CCDC85A: variants seen among roughly 807,000 people sequenced by gnomAD.
CCDC85A encodes the protein coiled-coil domain-containing protein 85A.
A neutral mutation model predicts 50.2 loss-of-function variants in CCDC85A; 38 were observed. That is an observed-to-expected ratio of 0.76 (90% confidence interval 0.58 to 0.99). CCDC85A has a LOEUF of 0.99. CCDC85A is among the 50% of genes least tolerant of loss of function. The pLI is 0.00. For synonymous variants in CCDC85A, 366 were observed against 301.4 expected, an observed-to-expected ratio of 1.21 and a Z score of -2.22; for missense variants, 820 against 742.0, an observed-to-expected ratio of 1.11 and a Z score of -1.22.
intron 2 of CCDC85A, among the ~76,000 whole-genome samples, chr2:56,203,896 T>C (rs1043240953): frequency 2.0e-5 from 3 of 151,920 alleles, no homozygotes; most frequent in Admixed American, 6.6e-5. Flanking sequence ...TTAAAAAGAG[T>C]GATGTGATAC....
At chr2:56,340,369 G>A (rs930390767) in intron 2 of CCDC85A, among the ~76,000 whole-genome samples, 15 of 152,218 alleles carry the variant, frequency 9.9e-5, no homozygotes, top group South Asian at 4.1e-4. Context: ...GTGCACTACC[G>A]TATTGCCTCT....
chr2:56,255,431 G>A (rs555489150), intron 2 of CCDC85A, among the ~76,000 whole-genome samples: 55 of 152,222 alleles, frequency 3.6e-4, no homozygotes, highest in African/African-American at 1.3e-3. Flanking sequence ...TTGAGGAAGG[G>A]ATAGACAGGG....
intron 3 of CCDC85A, among the ~76,000 whole-genome samples, chr2:56,371,355 A>G (rs187858792): frequency 3.3e-5 from 5 of 152,188 alleles, no homozygotes; most frequent in African/African-American, 9.6e-5. Context: ...TGAAAATTGG[A>G]CCAGTACTAT....
chr2:56,236,741 T>C (rs1669032138), intron 2 of CCDC85A, among the ~76,000 whole-genome samples: 1 of 152,302 alleles, frequency 6.6e-6, no homozygotes, highest in Non-Finnish European at 1.5e-5. Context: ...CCAGATCTCC[T>C]GCATGGTCCT....
At chr2:56,210,231 C>T (rs1199513633) in intron 2 of CCDC85A, among the ~76,000 whole-genome samples, 1 of 152,050 alleles carries the variant, frequency 6.6e-6, no homozygotes, top group African/African-American at 2.4e-5. Context: ...GGGCCAAATA[C>T]CGTCACAGTC....
At chr2:56,293,155 C>T (rs892590952) in intron 2 of CCDC85A, among the ~76,000 whole-genome samples, 3 of 152,160 alleles carry the variant, frequency 2.0e-5, no homozygotes, top group Non-Finnish European at 4.4e-5. Context: ...TATTAGGTCC[C>T]GTTAGCTGTC....
intron 2 of CCDC85A, among the ~76,000 whole-genome samples, chr2:56,294,355 T>G (rs1671852680): frequency 6.6e-6 from 1 of 152,104 alleles, no homozygotes; most frequent in Admixed American, 6.5e-5. Flanking sequence ...ACCTAGGTGG[T>G]GGGTTGATAG....
chr2:56,240,204 G>A (rs6730327), intron 2 of CCDC85A, among the ~76,000 whole-genome samples: 85,214 of 151,878 alleles, frequency 0.56, 24,376 homozygotes, highest in African/African-American at 0.66. Context: ...CAACCCACTT[G>A]CCTACTTTGA....
chr2:56,295,383 A>T (rs1671900545), intron 2 of CCDC85A, among the ~76,000 whole-genome samples: 1 of 152,188 alleles, frequency 6.6e-6, no homozygotes, highest in Non-Finnish European at 1.5e-5. Context: ...TTCCATGGTG[A>T]GTTGACTTCT....
intron 2 of CCDC85A, among the ~76,000 whole-genome samples, chr2:56,276,289 G>T (rs1027539673): frequency 2.6e-5 from 4 of 151,992 alleles, no homozygotes; most frequent in African/African-American, 9.7e-5. Context: ...TTGCTTACTG[G>T]CTTTTTATTT....
chr2:56,362,487 A>G (rs1675579900), intron 3 of CCDC85A, among the ~76,000 whole-genome samples: 1 of 152,156 alleles, frequency 6.6e-6, no homozygotes, highest in African/African-American at 2.4e-5. Context: ...GCTGAGGGAA[A>G]AAAAAGAAGA....
At chr2:56,363,597 T>C (rs1468181424) in intron 3 of CCDC85A, among the ~76,000 whole-genome samples, 1 of 152,222 alleles carries the variant, frequency 6.6e-6, no homozygotes, top group East Asian at 1.9e-4. Flanking sequence ...TCAAAGAACC[T>C]AAGACCCTTC....
In CCDC85A at chr2:56,383,591, C is replaced by T. The variant is rs370516762; in HGVS notation, c.1573-675C>T. On this transcript the variant is annotated intron_variant, in intron 5 of 5. Coordinates refer to ENST00000407595, the MANE Select transcript of CCDC85A (RefSeq NM_001080433.2). ...TTCTTGAATTTATTCTTATCATCTGCCTACATTTGGATGCTTTGTGTTTTG... is the reference window on the plus strand; with the variant it reads ...TTCTTGAATTTATTCTTATCATCTGTCTACATTTGGATGCTTTGTGTTTTG... 562 of 984,978 alleles carry T rather than the reference C, an allele frequency of 5.7e-4. 8 individuals carry two copies. The South Asian group carries it at 0.023, about 41-fold the overall frequency. 61.0% of individuals were successfully genotyped at this position (984,978 alleles called of 1,614,324 possible). A position where few individuals can be genotyped will look rare whatever the true frequency, so the allele number is the denominator to read the frequency against.
rs113717322 is a variant in CCDC85A, at chr2:56,377,817, G to A, written c.1572+1882G>A. On this transcript the variant is annotated intron_variant, in intron 5 of 5. Coordinates refer to ENST00000407595, the MANE Select transcript of CCDC85A (RefSeq NM_001080433.2). ...GCAGGAGAATTGCTTGAATCCGGGA[G>A]GCAGAGGTTGCAGTGAGCCGAGATC... is the stretch of plus-strand genomic sequence containing the variant. Among the ~76,000 whole-genome samples the A allele has an allele frequency of 5.0e-4, 76 of 151,820 alleles. 1 individual carries two copies. The highest frequency in any genetic ancestry group is 1.7e-3 in the African/African-American group (71 of 41,376).
Position 56,321,217 on chromosome 2 carries a change from T to G in CCDC85A, c.1241-21662T>G, listed in dbSNP as rs1673168321. ...TGGGCAAAAACTGGAAGCATTCCCT[T>G]TGAAAACTGGCACAAGACAGGGATG... is the stretch of plus-strand genomic sequence containing the variant. On this transcript the variant is annotated intron_variant, in intron 2 of 5. Transcript: ENST00000407595. 2.0e-5 allele frequency among the ~76,000 whole-genome samples: 3 copies of G among 152,114 alleles called. No homozygotes were observed. The South Asian group carries it at 6.2e-4, about 31-fold the overall frequency.
At chr2:56,218,396 A>G (rs1421579430) in intron 2 of CCDC85A, among the ~76,000 whole-genome samples, 1 of 151,904 alleles carries the variant, frequency 6.6e-6, no homozygotes, top group African/African-American at 2.4e-5. Context: ...AAAAACGCTT[A>G]AAATTCAAGA....
At chr2:56,316,861 A>G (rs938071291) in intron 2 of CCDC85A, among the ~76,000 whole-genome samples, 4 of 152,164 alleles carry the variant, frequency 2.6e-5, no homozygotes, top group Non-Finnish European at 5.9e-5. Context: ...CATCATTGAC[A>G]TTTATTAAAT....
rs1675883622 is a variant in CCDC85A, at chr2:56,184,133, G to A, written c.-492G>A. 3.0e-6 allele frequency: 3 copies of A among 985,626 alleles called. No individual in the cohort carries two copies. The highest frequency in any genetic ancestry group is 3.6e-6 in the Non-Finnish European group (3 of 830,202). 61.1% of individuals were successfully genotyped at this position (985,626 alleles called of 1,614,324 possible). A position where few individuals can be genotyped will look rare whatever the true frequency, so the allele number is the denominator to read the frequency against. ...AGAGCAGCCGGGGAGGCGCCGCGGT[G>A]CCCGGCGCGCCCTCCAAGCTAGGAG... On this transcript the variant is annotated 5_prime_UTR_variant, in exon 1 of 6. Coordinates refer to ENST00000407595, the MANE Select transcript of CCDC85A (RefSeq NM_001080433.2).
intron 3 of CCDC85A, among the ~76,000 whole-genome samples, chr2:56,352,748 C>T (rs1422522938): frequency 6.6e-6 from 1 of 152,198 alleles, no homozygotes; most frequent in Non-Finnish European, 1.5e-5. Context: ...TGACTTTGGA[C>T]TCTGATAGTA....
Sources: allele counts gnomAD v4.1 joint callset (sites outside exome capture counted in the v4.1 genomes callset), GRCh38; gene constraint gnomAD v4.1.1; transcripts MANE v1.5; gene names NCBI Gene and HGNC (gene_info 2026-07-23, HGNC 2026-07-21).